Variants in ERBB4 observed in about 807,000 individuals in gnomAD.
ERBB4 encodes the protein receptor tyrosine-protein kinase erbB-4.
A neutral mutation model predicts 158.0 loss-of-function variants in ERBB4; 42 were observed. That is an observed-to-expected ratio of 0.27 (90% CI 0.21 to 0.34). The LOEUF (loss-of-function observed/expected upper bound fraction) is 0.34. ERBB4 is among the 10% of genes least tolerant of loss of function. The pLI is 1.00. For missense variants in ERBB4, 1,333 were observed against 1,624.1 expected (o/e 0.82, Z 3.08); for synonymous variants, 583 against 558.7 (o/e 1.04, Z -0.61).
At chr2:211,601,297 A>G (rs1269786358) in intron 19 of ERBB4, among the ~76,000 whole-genome samples, 1 of 152,090 alleles carries the variant, frequency 6.6e-6, no homozygotes, top group Non-Finnish European at 1.5e-5. Context: ...AGAAAATTAG[A>G]GGATCCATTT....
intron 18 of ERBB4, among the ~76,000 whole-genome samples, chr2:211,619,647 G>T (rs2069523589): frequency 6.6e-6 from 1 of 152,142 alleles, no homozygotes; most frequent in African/African-American, 2.4e-5. Context: ...TTGAAGCTCA[G>T]TTGTATCATC....
intron 12 of ERBB4, among the ~76,000 whole-genome samples, chr2:211,682,086 ACACAC>A (rs1435830707): frequency 2.5e-5 from 3 of 118,200 alleles, no homozygotes; most frequent in East Asian, 2.3e-4. Context: ...ACACACACAC[ACACAC>A]AATTGGCTCA....
At chr2:211,540,188 T>TTATATATATATA (rs571359851) in intron 20 of ERBB4, among the ~76,000 whole-genome samples, 6 of 143,908 alleles carry the variant, frequency 4.2e-5, no homozygotes, top group African/African-American at 1.0e-4. Context: ...CCTACATGAT[T>TTATATATATATA]TATATATATA....
At chr2:211,429,110 T>G (rs1374836585) in intron 21 of ERBB4, among the ~76,000 whole-genome samples, 1 of 152,096 alleles carries the variant, frequency 6.6e-6, no homozygotes, top group Non-Finnish European at 1.5e-5. Context: ...ATTCAGTAAT[T>G]AAGTTGCTAG....
At chr2:211,765,140 G>A (rs1358122913) in intron 4 of ERBB4, among the ~76,000 whole-genome samples, 1 of 152,086 alleles carries the variant, frequency 6.6e-6, no homozygotes, top group African/African-American at 2.4e-5. Context: ...AGTTTTATAT[G>A]AGAAAAATGA....
intron 16 of ERBB4, among the ~76,000 whole-genome samples, chr2:211,635,344 T>G (rs1331697975): frequency 6.6e-6 from 1 of 152,228 alleles, no homozygotes; most frequent in Non-Finnish European, 1.5e-5. Flanking sequence ...ATGATTTGGT[T>G]TTCATAATTT....
At chr2:211,828,517 T>A (rs1307022693) in intron 3 of ERBB4, among the ~76,000 whole-genome samples, 1 of 152,142 alleles carries the variant, frequency 6.6e-6, no homozygotes, top group Non-Finnish European at 1.5e-5. Flanking sequence ...GATGCAAATT[T>A]AATCAGGTGA....
intron 1 of ERBB4, among the ~76,000 whole-genome samples, chr2:212,524,916 C>CA (rs1692366102): frequency 6.6e-6 from 1 of 151,996 alleles, no homozygotes; most frequent in African/African-American, 2.4e-5. Flanking sequence ...TGGATCATAG[C>CA]ATATGCCAGA....
intron 15 of ERBB4, among the ~76,000 whole-genome samples, chr2:211,660,737 A>G (rs770812402): frequency 6.6e-6 from 1 of 152,228 alleles, no homozygotes; most frequent in Non-Finnish European, 1.5e-5. Context: ...TAAAGAAGAT[A>G]TAAAAAGTAA....
At chr2:211,693,448 A>T (rs1021683743) in intron 12 of ERBB4, among the ~76,000 whole-genome samples, 1 of 152,130 alleles carries the variant, frequency 6.6e-6, no homozygotes, top group African/African-American at 2.4e-5. Context: ...TTTTTCTCCC[A>T]AACCTATATT....
intron 19 of ERBB4, among the ~76,000 whole-genome samples, chr2:211,613,542 T>C (rs113878450): frequency 0.02 from 2,969 of 152,054 alleles, 44 homozygotes; most frequent in Middle Eastern, 0.041. Flanking sequence ...AACCAGAATA[T>C]ATAAGGAGCT....
At chr2:212,260,744 C>T (rs542265109) in intron 1 of ERBB4, among the ~76,000 whole-genome samples, 3 of 151,738 alleles carry the variant, frequency 2.0e-5, no homozygotes, top group South Asian at 2.1e-4. Context: ...ACCCAGGAGA[C>T]GGAGCTTGCA....
chr2:211,599,513 C>CTGTGTGTGTG (rs6147153), intron 19 of ERBB4, among the ~76,000 whole-genome samples: 45 of 140,904 alleles, frequency 3.2e-4, no homozygotes, highest in East Asian at 1.9e-3. Context: ...ATAATTTCTT[C>CTGTGTGTGTG]TGTGTGTGTG....
intron 1 of ERBB4, among the ~76,000 whole-genome samples, chr2:212,402,665 C>T (rs1467725368): frequency 2.0e-5 from 3 of 151,898 alleles, no homozygotes; most frequent in Non-Finnish European, 2.9e-5. Flanking sequence ...GCAATTATCT[C>T]TTAAAATGTT....
intron 3 of ERBB4, among the ~76,000 whole-genome samples, chr2:211,936,183 T>G (rs2080317252): frequency 6.6e-6 from 1 of 151,886 alleles, no homozygotes; most frequent in Non-Finnish European, 1.5e-5. Context: ...CAAAATGACA[T>G]ACTTATTTAC....
In ERBB4 at chr2:211,947,493, A is replaced by G. The variant is rs1466537149; in HGVS notation, c.358T>C (p.Phe120Leu). ...TTTCCATCTTTTCTGTAGTTTAAAA[A>G]TATTGCCAAGGCATATCGATCCTCA... ...LYEDRYALAI[F>L]LNYRKDGNFG... Residue 120 changes from phenylalanine to leucine, a missense_variant, in exon 3 of 28, where the codon TTT becomes CTT. This residue lies in a region of ERBB4 where 438 missense variants were observed against 586.9 expected (regional missense o/e 0.75). Transcript: ENST00000342788. 1 of 1,613,918 alleles carries G rather than the reference A, an allele frequency of 6.2e-7. No individual in the cohort carries two copies. Among genetic ancestry groups the G allele is most frequent in the Non-Finnish European group, 8.5e-7 (1 of 1,179,928 alleles).
At chr2:211,722,018 A>G (rs2074114115) in intron 7 of ERBB4, among the ~76,000 whole-genome samples, 1 of 151,966 alleles carries the variant, frequency 6.6e-6, no homozygotes, top group Non-Finnish European at 1.5e-5. Flanking sequence ...GCCCGCCACC[A>G]CGCCTGGCTA....
intron 5 of ERBB4, among the ~76,000 whole-genome samples, chr2:211,744,061 A>G (rs997931182): frequency 1.3e-5 from 2 of 152,190 alleles, no homozygotes; most frequent in Non-Finnish European, 2.9e-5. Flanking sequence ...TTACATTAAT[A>G]TTTACAACAT....
intron 2 of ERBB4, among the ~76,000 whole-genome samples, chr2:212,062,932 G>GA (rs1205537218): frequency 6.6e-6 from 1 of 151,418 alleles, no homozygotes; most frequent in Admixed American, 6.6e-5. Flanking sequence ...TGTGTTAAAA[G>GA]AAAAAACAAA....
Sources: gnomAD v4.1 joint callset for allele counts (sites outside exome capture counted in the v4.1 genomes callset) on GRCh38, gnomAD v4.1.1 for gene constraint, gnomAD v4.1.1 regional missense constraint, MANE v1.5 for transcripts, NCBI Gene and HGNC (gene_info 2026-07-23, HGNC 2026-07-21) for gene names.